The following LOC400499 variants were observed in gnomAD, a reference collection of about 807,000 sequenced individuals.
chr16:11,487,429 A>T, the LOC400499 span: 1 of 398,500 alleles, frequency 2.5e-6, no homozygotes, highest in Non-Finnish European at 4.4e-6. Flanking sequence ...GTACACTCAC[A>T]GAGTGGGGTC....
chr16:11,402,579 T>C, the LOC400499 span, among the ~76,000 whole-genome samples: 1 of 152,214 alleles, frequency 6.6e-6, no homozygotes, highest in Non-Finnish European at 1.5e-5. Context: ...CCTGCTGGCC[T>C]GTGGGCTGGT....
the LOC400499 span, among the ~76,000 whole-genome samples, chr16:11,397,376 C>T: frequency 1.3e-5 from 2 of 152,132 alleles, no homozygotes; most frequent in East Asian, 1.9e-4. Flanking sequence ...CAGGTTCAAG[C>T]GATTCTCCTA....
chr16:11,391,605 C>T, the LOC400499 span: 117 of 1,219,614 alleles, frequency 9.6e-5, no homozygotes, highest in Middle Eastern at 3.1e-4. Flanking sequence ...CTTAGGGCCC[C>T]GGTGGAGAGG....
the LOC400499 span, among the ~76,000 whole-genome samples, chr16:11,465,090 G>A: frequency 6.6e-6 from 1 of 152,200 alleles, no homozygotes; most frequent in African/African-American, 2.4e-5. Context: ...GGAAACTGAG[G>A]CAGAATCAGG....
At chr16:11,428,363 G>A in the LOC400499 span, among the ~76,000 whole-genome samples, 1 of 151,992 alleles carries the variant, frequency 6.6e-6, no homozygotes, top group Non-Finnish European at 1.5e-5. Context: ...TAGTAGAGAC[G>A]GGGTTGCACC....
At chr16:11,513,859 G>A in the LOC400499 span, among the ~76,000 whole-genome samples, 1 of 152,158 alleles carries the variant, frequency 6.6e-6, no homozygotes, top group East Asian at 1.9e-4. Context: ...CAAAGTCCCA[G>A]CAGTAAGAAT....
chr16:11,385,117 A>T, the LOC400499 span: 33 of 1,231,338 alleles, frequency 2.7e-5, no homozygotes, highest in Non-Finnish European at 3.2e-5. Flanking sequence ...CCAGGTGACA[A>T]GCTTGAAAGT....
At chr16:11,500,455 GA>G in the LOC400499 span, among the ~76,000 whole-genome samples, 1 of 151,942 alleles carries the variant, frequency 6.6e-6, no homozygotes, top group Admixed American at 6.6e-5. Context: ...AGGTTGCAGT[GA>G]GCTGAGATCG....
the LOC400499 span, among the ~76,000 whole-genome samples, chr16:11,376,266 T>C: frequency 1.3e-5 from 2 of 152,232 alleles, no homozygotes; most frequent in East Asian, 1.9e-4. Context: ...TAAGAAATCA[T>C]TGACAAAGGA....
chr16:11,504,293 C>T, the LOC400499 span, among the ~76,000 whole-genome samples: 5 of 152,308 alleles, frequency 3.3e-5, no homozygotes, highest in East Asian at 3.9e-4. Flanking sequence ...CGGTGGTTCA[C>T]GCCTGTAATC....
At chr16:11,435,893 G>A in the LOC400499 span, 1 of 399,294 alleles carries the variant, frequency 2.5e-6, no homozygotes, top group Non-Finnish European at 4.4e-6. Flanking sequence ...CAGGGAGGCA[G>A]GGGAGGGACA....
the LOC400499 span, among the ~76,000 whole-genome samples, chr16:11,517,421 G>T: frequency 6.6e-4 from 101 of 152,284 alleles, 1 homozygote; most frequent in South Asian, 0.02. Flanking sequence ...GGAAGGTAGA[G>T]GGAGTCTTTC....
the LOC400499 span, chr16:11,398,335 A>T: frequency 8.1e-7 from 1 of 1,232,310 alleles, no homozygotes; most frequent in Non-Finnish European, 1.0e-6. Context: ...CCCCTTCTGC[A>T]GGGCAGACTC....
the LOC400499 span, chr16:11,391,781 CG>C: frequency 8.1e-7 from 1 of 1,232,258 alleles, no homozygotes; most frequent in Non-Finnish European, 1.0e-6. Flanking sequence ...CCCAACCACT[CG>C]CCTGCATGGC....
At chr16:11,506,215 G>C in the LOC400499 span, among the ~76,000 whole-genome samples, 68 of 152,146 alleles carry the variant, frequency 4.5e-4, 1 homozygote, top group African/African-American at 1.6e-3. Context: ...AGTAGAGACA[G>C]GGTTTCACCA....
chr16:11,428,544 C>T, the LOC400499 span, among the ~76,000 whole-genome samples: 86 of 152,230 alleles, frequency 5.6e-4, no homozygotes, highest in African/African-American at 2.0e-3. Context: ...ATGACCATGG[C>T]GCTGGTGGGA....
At chr16:11,429,432 G>A in the LOC400499 span, among the ~76,000 whole-genome samples, 66 of 152,270 alleles carry the variant, frequency 4.3e-4, no homozygotes, top group Non-Finnish European at 8.1e-4. Context: ...AGAAGGGAAG[G>A]GAAGGGCAAA....
chr16:11,460,668 G>A, the LOC400499 span: 13 of 1,471,938 alleles, frequency 8.8e-6, no homozygotes, highest in Non-Finnish European at 7.2e-6. Context: ...CTCCACCAGG[G>A]CTCCAAGAGA....
At chr16:11,443,446 C>T in the LOC400499 span, 2 of 305,078 alleles carry the variant, frequency 6.6e-6, no homozygotes, top group East Asian at 2.7e-4. Context: ...CCAGCCTAGA[C>T]AACAGAGTGA....
Sources: gnomAD v4.1 joint callset for allele counts (sites outside exome capture counted in the v4.1 genomes callset) on GRCh38, gnomAD v4.1.1 for gene constraint, MANE v1.5 for transcripts.